ERC1: variants seen among roughly 807,000 people sequenced by gnomAD.
The protein encoded by ERC1 is RAB6 interacting protein 2.
In ERC1, 56 loss-of-function variants were observed where a neutral mutation model predicts 132.0. That is an observed-to-expected ratio of 0.42 (90% confidence interval 0.34 to 0.53). The LOEUF is 0.53. ERC1 is among the 20% of genes least tolerant of loss of function. The probability of loss-of-function intolerance (pLI) is 0.03; values close to 1 mark genes in which losing one functional copy is unlikely to be tolerated. For synonymous variants in ERC1, 478 were observed against 476.1 expected (o/e 1.00, Z -0.05); for missense variants, 1,202 against 1,349.9 (o/e 0.89, Z 1.72).
chr12:1,051,529 CAAAAAAAAAAAAAAAA>C (rs35353366), intron 2 of ERC1, among the ~76,000 whole-genome samples: 4 of 127,650 alleles, frequency 3.1e-5, no homozygotes, highest in Non-Finnish European at 4.8e-5. Context: ...GTCTCTACCC[CAAAAAAAAAAAAAAAA>C]AAAAAAAAAG....
At chr12:1,196,976 ATTTTTTT>A (rs1172269593) in intron 12 of ERC1, among the ~76,000 whole-genome samples, 3,134 of 73,310 alleles carry the variant, frequency 0.043, 397 homozygotes, top group African/African-American at 0.15. Context: ...ATATATATAT[ATTTTTTT>A]TTTTTTTTTT....
chr12:1,320,042 T>C (rs73034928), intron 15 of ERC1, among the ~76,000 whole-genome samples: 5,266 of 152,316 alleles, frequency 0.035, 97 homozygotes, highest in Middle Eastern at 0.075. Context: ...TAAAGATCTG[T>C]TGCATTCTGT....
At chr12:1,450,918 A>G (rs974916307) in intron 18 of ERC1, among the ~76,000 whole-genome samples, 1 of 152,220 alleles carries the variant, frequency 6.6e-6, no homozygotes, top group Non-Finnish European at 1.5e-5. Flanking sequence ...GATGTTGAGC[A>G]TCTCTTCATG....
At position 1,305,089 on chromosome 12, in the gene ERC1, T is replaced by TAC. The variant is rs556736358; in HGVS notation, c.2780+15078_2780+15079insCA. Among the ~76,000 whole-genome samples the TAC allele has an allele frequency of 3.7e-4, 57 of 152,260 alleles. 1 individual carries two copies. Among genetic ancestry groups the TAC allele is most frequent in the African/African-American group, 1.4e-3 (57 of 41,576 alleles). ...GCCACTGCTCCCGGCCTGTTTGTTG[T>TAC]AACTCTTAAACGAGGACTTGTTTTC... is the stretch of plus-strand genomic sequence containing the variant. On this transcript the variant is annotated intron_variant, in intron 15 of 18. Coordinates refer to ENST00000360905, the MANE Select transcript of ERC1 (RefSeq NM_178040.4).
intron 12 of ERC1, among the ~76,000 whole-genome samples, chr12:1,219,292 A>AT (rs1958736532): frequency 6.6e-6 from 1 of 152,010 alleles, no homozygotes; most frequent in African/African-American, 2.4e-5. Context: ...CTTTAGTTAA[A>AT]TATCAAATTT....
rs146174236 is a variant in ERC1 at position 1,028,200 on chromosome 12, T to G, written c.297T>G (p.Pro99=). Residue 99 remains proline, a synonymous_variant, in exon 2 of 19, where the codon CCT becomes CCG. Transcript: ENST00000360905. The stretch of plus-strand genomic sequence containing the variant: ...TTGGCCGTTCTGGGGGACGTCTGCC[T>G]TACGGTGTTCGGATGACTGCTATGG... ...MTLGRSGGRL[P]YGVRMTAMGS... is the part of the protein sequence containing the mutation. 1.3e-4 allele frequency: 205 copies of G among 1,614,104 alleles called. 1 individual carries two copies. Among genetic ancestry groups the G allele is most frequent in the Non-Finnish European group, 1.6e-4 (193 of 1,180,042 alleles).
rs951069452 is a variant in ERC1, at chr12:1,492,528, G to A, written c.*2298G>A. The A allele has an allele frequency of 9.0e-5, 21 of 232,978 alleles. No homozygotes were observed. The highest frequency in any genetic ancestry group is 3.0e-4 in the East Asian group (5 of 16,588). The allele number at this position is 232,978 out of a possible 1,614,324, so 14.4% of individuals were successfully genotyped here. Reference sequence around the variant, plus strand: ...CGTGGACTTTCTCATCAGGTGCAGCGCCTGCCACTCTCAGCCACTGGGTGT... The same window carrying A: ...CGTGGACTTTCTCATCAGGTGCAGCACCTGCCACTCTCAGCCACTGGGTGT... On this transcript the variant is annotated 3_prime_UTR_variant, in exon 19 of 19. Coordinates refer to ENST00000360905, the MANE Select transcript of ERC1 (RefSeq NM_178040.4).
At chr12:1,099,829 A>G (rs1228227001) in intron 3 of ERC1, among the ~76,000 whole-genome samples, 1 of 129,500 alleles carries the variant, frequency 7.7e-6, no homozygotes, top group East Asian at 2.5e-4. Context: ...CCTGCTTGAG[A>G]CTTTGATTTT....
chr12:1,187,301 A>G (rs912844810), intron 11 of ERC1, among the ~76,000 whole-genome samples: 12 of 151,916 alleles, frequency 7.9e-5, no homozygotes, highest in African/African-American at 2.7e-4. Context: ...GATGTAAACT[A>G]CTCTGATACA....
intron 7 of ERC1, among the ~76,000 whole-genome samples, chr12:1,122,860 T>C (rs1046824347): frequency 2.0e-5 from 3 of 152,138 alleles, no homozygotes; most frequent in African/African-American, 7.2e-5. Flanking sequence ...GACACTGGTA[T>C]GATATTCAAG....
intron 14 of ERC1, among the ~76,000 whole-genome samples, chr12:1,265,355 C>T (rs2077410360): frequency 1.3e-5 from 2 of 152,000 alleles, no homozygotes; most frequent in African/African-American, 2.4e-5. Flanking sequence ...TATGTATTTT[C>T]CTTTTTGAGG....
chr12:1,120,880 A>G (rs1947009176), intron 7 of ERC1, among the ~76,000 whole-genome samples: 1 of 152,158 alleles, frequency 6.6e-6, no homozygotes, highest in Non-Finnish European at 1.5e-5. Context: ...ATGTTTTGGC[A>G]CTAGGCACTA....
intron 2 of ERC1, among the ~76,000 whole-genome samples, chr12:1,073,003 TTAAAAA>T (rs1940678969): frequency 6.6e-6 from 1 of 151,956 alleles, no homozygotes; most frequent in African/African-American, 2.4e-5. Flanking sequence ...AATAAATACT[TTAAAAA>T]TAAATTTTCA....
chr12:1,224,113 A>G (rs1197881112), intron 12 of ERC1, among the ~76,000 whole-genome samples: 3 of 152,184 alleles, frequency 2.0e-5, no homozygotes, highest in Admixed American at 1.3e-4. Flanking sequence ...TTTAGATGAT[A>G]CTCCCTCTTA....
At chr12:1,333,387 C>G (rs2083044650) in intron 15 of ERC1, among the ~76,000 whole-genome samples, 1 of 138,726 alleles carries the variant, frequency 7.2e-6, no homozygotes, top group Admixed American at 7.9e-5. Flanking sequence ...GGCTGGAGTG[C>G]AGTGGCGCGA....
chr12:1,067,942 T>C lies in ERC1; in HGVS notation c.670-15222T>C, dbSNP rs892128536. Reference sequence around the variant, plus strand: ...TAGCCACTGCTTTTTTTTTTTTTTTTTTTCCTTCTGAGACAGAGTCGCTCT... The same window carrying C: ...TAGCCACTGCTTTTTTTTTTTTTTTCTTTCCTTCTGAGACAGAGTCGCTCT... On this transcript the variant is annotated intron_variant, in intron 2 of 18. Coordinates refer to ENST00000360905, the MANE Select transcript of ERC1 (RefSeq NM_178040.4). Among the ~76,000 whole-genome samples, 61 of 150,574 alleles carry C rather than the reference T, an allele frequency of 4.1e-4. 1 individual carries two copies. In the South Asian group the frequency reaches 0.012, roughly 31 times the overall value.
chr12:1,180,612 T>G lies in ERC1; in HGVS notation c.1810T>G (p.Leu604Val), dbSNP rs559658475. 1 of 1,614,062 alleles carries G rather than the reference T, an allele frequency of 6.2e-7. No individual in the cohort carries two copies. Among genetic ancestry groups the G allele is most frequent in the South Asian group, 1.1e-5 (1 of 91,086 alleles). The change falls in exon 9 of 19, where the codon TTG (leucine) becomes GTG (valine). Residue 604 changes from leucine to valine, a missense_variant. Leu to Val is a conservative substitution (Grantham distance 32, BLOSUM62 1). Transcript: ENST00000360905. ...CAGCTTGAAAGAACGGGTCAAATCC[T>G]TGCAGGCTGACACCACCAACACTGA... is the stretch of plus-strand genomic sequence containing the variant. ...MSSLKERVKS[L>V]QADTTNTDTA...
At chr12:1,226,653 C>G (rs1164286417) in intron 12 of ERC1, among the ~76,000 whole-genome samples, 3 of 152,136 alleles carry the variant, frequency 2.0e-5, no homozygotes, top group African/African-American at 7.2e-5. Context: ...TTTTTAGGTT[C>G]ATTCATATCA....
intron 15 of ERC1, among the ~76,000 whole-genome samples, chr12:1,318,364 C>T (rs2081906405): frequency 6.6e-6 from 1 of 152,032 alleles, no homozygotes; most frequent in African/African-American, 2.4e-5. Flanking sequence ...ATGAAAAGCT[C>T]ATACAAAATT....
Sources: gnomAD v4.1 joint callset for allele counts (sites outside exome capture counted in the v4.1 genomes callset) on GRCh38, gnomAD v4.1.1 for gene constraint, MANE v1.5 for transcripts, NCBI Gene and HGNC (gene_info 2026-07-23, HGNC 2026-07-21) for gene names.